BTN1A1: variants seen among roughly 807,000 people sequenced by gnomAD.
BTN1A1 encodes bK14H9.2 (butyrophilin, subfamily 1, member A1).
A neutral mutation model predicts 33.1 loss-of-function variants in BTN1A1; 26 were observed. The observed-to-expected ratio is 0.79, with a 90% CI of 0.58 to 1.09. The LOEUF (loss-of-function observed/expected upper bound fraction) is 1.09, where lower values mean the gene tolerates loss of function less well. Among genes scored for constraint, BTN1A1 ranks in the 50% least tolerant of loss-of-function variants. BTN1A1 has a pLI of 0.00. For missense variants in BTN1A1, 558 were observed against 655.7 expected (o/e 0.85, Z 1.63); for synonymous variants, 235 against 256.2 (o/e 0.92, Z 0.79).
intron 3 of BTN1A1, among the ~76,000 whole-genome samples, chr6:26,504,544 G>A (rs1763845129): frequency 6.6e-6 from 1 of 151,284 alleles, no homozygotes; most frequent in Admixed American, 6.6e-5. Flanking sequence ...CTGGAGTGCA[G>A]TGGTGCCATC....
rs566727763 is a variant in BTN1A1 at position 26,502,080 on chromosome 6, G to A, written c.427+143G>A. On this transcript the variant is annotated intron_variant, in intron 3 of 7. Transcript: ENST00000684113. The stretch of plus-strand genomic sequence containing the variant: ...GCCGGGGAGGGACGACTATCTGGGC[G>A]GGAGGCGAGGGGGGGTAAAAGAATT... The A allele has an allele frequency of 6.5e-5, 82 of 1,253,818 alleles. No individual in the cohort carries two copies. In the African/African-American group the frequency reaches 1.1e-3, roughly 16 times the overall value. 77.7% of individuals were successfully genotyped at this position (1,253,818 alleles called of 1,614,324 possible).
Position 26,501,819 on chromosome 6 carries a change from C to A in BTN1A1, c.309C>A (p.Ala103=). 1 of 1,612,756 alleles carries A rather than the reference C, an allele frequency of 6.2e-7. No homozygotes were observed. Among genetic ancestry groups the A allele is most frequent in the Non-Finnish European group, 8.5e-7 (1 of 1,179,268 alleles). ...GRATLVQDGI[A]KGRVALRIRG... is the part of the protein sequence containing the mutation. Reference sequence around the variant, plus strand: ...CGACGCTGGTCCAGGACGGCATCGCCAAGGGGCGCGTGGCCTTGAGGATCC... The same window carrying A: ...CGACGCTGGTCCAGGACGGCATCGCAAAGGGGCGCGTGGCCTTGAGGATCC... Residue 103 remains alanine, a synonymous_variant, in exon 3 of 8, where the codon GCC becomes GCA. Coordinates refer to ENST00000684113, the MANE Select transcript of BTN1A1 (RefSeq NM_001732.3). The surrounding 1 kb of genome is among the most constrained non-coding windows in gnomAD (Gnocchi z 5.2).
In BTN1A1 at chr6:26,509,426, G is replaced by A; in HGVS notation, c.*252G>A. On this transcript the variant is annotated 3_prime_UTR_variant, in exon 8 of 8. Transcript: ENST00000684113. Reference sequence around the variant, plus strand: ...GTGTTCTCCTAATCCCTTAAGACTAGAACCTATAGGAAACTACTTGGAGCA... The same window carrying A: ...GTGTTCTCCTAATCCCTTAAGACTAAAACCTATAGGAAACTACTTGGAGCA... 2.3e-6 allele frequency: 1 copy of A among 429,644 alleles called. No homozygotes were observed. The highest frequency in any genetic ancestry group is 4.0e-5 in the East Asian group (1 of 25,030). 26.6% of individuals were successfully genotyped at this position (429,644 alleles called of 1,614,324 possible).
Position 26,509,643 on chromosome 6 carries a change from AGGG to A in BTN1A1, c.*470_*472del. On this transcript the variant is annotated 3_prime_UTR_variant, in exon 8 of 8. Coordinates refer to ENST00000684113, the MANE Select transcript of BTN1A1 (RefSeq NM_001732.3). Reference sequence around the variant, plus strand: ...GAACTTGGAGGGAATATTATGATGGAGGGAAGTGAGGTGAATCCAGGCACATGA... The same window carrying A: ...GAACTTGGAGGGAATATTATGATGGAAAGTGAGGTGAATCCAGGCACATGA... 3 of 158,856 alleles carry A rather than the reference AGGG, an allele frequency of 1.9e-5. No homozygotes were observed. The highest frequency in any genetic ancestry group is 4.2e-5 in the Non-Finnish European group (3 of 72,216). 9.8% of individuals were successfully genotyped at this position (158,856 alleles called of 1,614,324 possible). A position where few individuals can be genotyped will look rare whatever the true frequency, so the allele number is the denominator to read the frequency against.
In BTN1A1 at chr6:26,501,320, T is replaced by C; in HGVS notation, c.34T>C (p.Cys12Arg). The change falls in exon 2 of 8, where the codon TGT becomes CGT. Residue 12 changes from cysteine to arginine, a missense_variant. Cys to Arg is a radical substitution (Grantham distance 180, BLOSUM62 -3). Coordinates refer to ENST00000684113, the MANE Select transcript of BTN1A1 (RefSeq NM_001732.3). This position sits in a 1 kb window ranked among gnomAD's most constrained non-coding sequence, Gnocchi z 5.2. ...AVFPSSGLPR[C>R]LLTLILLQLP... is the part of the protein sequence containing the mutation. ...TTTCCCAAGCTCCGGTCTCCCCAGA[T>C]GTCTGCTCACCCTCATTCTCCTCCA... 6.2e-7 allele frequency: 1 copy of C among 1,614,156 alleles called. No homozygotes were observed. Among genetic ancestry groups the C allele is most frequent in the Non-Finnish European group, 8.5e-7 (1 of 1,180,012 alleles).
At chr6:26,506,584 C>A (rs1763872736) in intron 4 of BTN1A1, 99 bp from the exon 5 acceptor site, 7 of 1,314,170 alleles carry the variant, frequency 5.3e-6, no homozygotes, top group Non-Finnish European at 7.5e-6. Context: ...TGAGAGTGGT[C>A]CAGGCCATCA....
chr6:26,501,717 G>T lies in BTN1A1; in HGVS notation c.207G>T (p.Lys69Asn). ...EHLELRWFRK[K>N]VSPAVLVHRD... ...TGGAGCTACGCTGGTTCCGAAAGAA[G>T]GTTTCGCCGGCCGTGCTGGTGCATA... Residue 69 changes from lysine to asparagine, a missense_variant, in exon 3 of 8, where the codon AAG (lysine) becomes AAT (asparagine). Transcript: ENST00000684113. This position sits in a 1 kb window ranked among gnomAD's most constrained non-coding sequence, Gnocchi z 5.2. 1 of 1,613,954 alleles carries T rather than the reference G, an allele frequency of 6.2e-7. No homozygotes were observed. The highest frequency in any genetic ancestry group is 8.5e-7 in the Non-Finnish European group (1 of 1,180,020).
rs542181343 is a variant in BTN1A1, at chr6:26,501,867, C to T, written c.357C>T (p.Asp119=). 1.2e-6 allele frequency: 2 copies of T among 1,609,258 alleles called. No homozygotes were observed. Among genetic ancestry groups the T allele is most frequent in the Middle Eastern group, 1.7e-4 (1 of 6,036 alleles). Residue 119 remains aspartate, a synonymous_variant, in exon 3 of 8, where the codon GAC becomes GAT. Coordinates refer to ENST00000684113, the MANE Select transcript of BTN1A1 (RefSeq NM_001732.3). The surrounding 1 kb of genome is among the most constrained non-coding windows in gnomAD (Gnocchi z 5.2). ...TCCGTGGCGTCAGAGTCTCTGACGA[C>T]GGGGAGTACACGTGCTTTTTCAGGG... ...LRIRGVRVSD[D]GEYTCFFRED...
chr6:26,505,368 A>T (rs986667866), intron 4 of BTN1A1, among the ~76,000 whole-genome samples, 162 bp downstream of exon 4: 1 of 152,202 alleles, frequency 6.6e-6, no homozygotes, highest in Admixed American at 6.5e-5. Context: ...TTATTAGAAG[A>T]GTTAAGATAC....
In BTN1A1 at chr6:26,508,861, G is replaced by C; in HGVS notation, c.1268G>C (p.Gly423Ala). The change falls in exon 8 of 8, where the codon GGG becomes GCG. Residue 423 changes from glycine (G) to alanine (A), a missense_variant. Physicochemically the swap from Gly to Ala is moderately conservative, Grantham distance 60 (BLOSUM62 0). Transcript: ENST00000684113. ...LPLAGPPRRV[G>A]IFLDYESGDI... is the part of the protein sequence containing the mutation. ...TTGGCAGGGCCCCCACGCCGGGTTG[G>C]GATTTTCCTAGACTATGAATCAGGA... is the stretch of plus-strand genomic sequence containing the variant. 1 of 1,614,144 alleles carries C rather than the reference G, an allele frequency of 6.2e-7. No individual in the cohort carries two copies. Among genetic ancestry groups the C allele is most frequent in the Non-Finnish European group, 8.5e-7 (1 of 1,180,014 alleles).
chr6:26,501,530 C>T lies in BTN1A1; in HGVS notation c.80-60C>T. 6.3e-7 allele frequency: 1 copy of T among 1,598,966 alleles called. No homozygotes were observed. Among genetic ancestry groups the T allele is most frequent in the Non-Finnish European group, 8.5e-7 (1 of 1,170,022 alleles). On this transcript the variant is annotated intron_variant, in intron 2 of 7. Transcript: ENST00000684113. This position sits in a 1 kb window ranked among gnomAD's most constrained non-coding sequence, Gnocchi z 5.2. ...CACTGCGCTTTGGCGGGAATCTGGT[C>T]GGTGTCTGTCCGTAGTTCCCATCTC...
chr6:26,501,233 G>C lies in BTN1A1; in HGVS notation c.-54G>C. ...CTCCTGTCCATTCATCTCCTAGGCTGAAGCTCCTGAGGGGACTCACATCAG... is the reference window on the plus strand; with the variant it reads ...CTCCTGTCCATTCATCTCCTAGGCTCAAGCTCCTGAGGGGACTCACATCAG... On this transcript the variant is annotated 5_prime_UTR_variant, in exon 2 of 8. Transcript: ENST00000684113. This position sits in a 1 kb window ranked among gnomAD's most constrained non-coding sequence, Gnocchi z 5.2. The C allele has an allele frequency of 3.5e-6, 5 of 1,439,324 alleles. No homozygotes were observed. Among genetic ancestry groups the C allele is most frequent in the Non-Finnish European group, 1.9e-6 (2 of 1,042,438 alleles). 89.2% of individuals were successfully genotyped at this position (1,439,324 alleles called of 1,614,324 possible). A position where few individuals can be genotyped will look rare whatever the true frequency, so the allele number is the denominator to read the frequency against.
intron 4 of BTN1A1, 152 bp downstream of exon 4, chr6:26,505,358 T>G (rs1250301859): frequency 4.3e-6 from 3 of 696,122 alleles, no homozygotes; most frequent in Middle Eastern, 2.9e-4. Flanking sequence ...CCCACCAACT[T>G]TATTAGAAGA....
At position 26,509,020 on chromosome 6, in the gene BTN1A1, C is replaced by G; in HGVS notation, c.1427C>G (p.Ala476Gly). 6.2e-7 allele frequency: 1 copy of G among 1,614,202 alleles called. No homozygotes were observed. The highest frequency in any genetic ancestry group is 8.5e-7 in the Non-Finnish European group (1 of 1,180,044). The change falls in exon 8 of 8, where the codon GCT becomes GGT. Residue 476 changes from alanine to glycine, a missense_variant. By Grantham distance (60) the Ala-to-Gly change is moderately conservative. Coordinates refer to ENST00000684113, the MANE Select transcript of BTN1A1 (RefSeq NM_001732.3). The part of the protein sequence containing the change: ...GKKPLTICPI[A>G]DGPERVTVIA... ...AAGCCCCTGACCATCTGCCCAATTG[C>G]TGATGGGCCTGAGAGGGTCACAGTC... is the stretch of plus-strand genomic sequence containing the variant.
chr6:26,501,715 A>AAGGT lies in BTN1A1; in HGVS notation c.206_209dup (p.Ser71GlyfsTer9). The AAGGT allele has an allele frequency of 6.2e-7, 1 of 1,613,900 alleles. No homozygotes were observed. The highest frequency in any genetic ancestry group is 1.3e-5 in the African/African-American group (1 of 75,024). On this transcript the variant is annotated frameshift_variant, in exon 3 of 8. Transcript: ENST00000684113. LOFTEE classifies it high-confidence loss of function. The surrounding 1 kb of genome is among the most constrained non-coding windows in gnomAD (Gnocchi z 5.2). ...CTTGGAGCTACGCTGGTTCCGAAAGAAGGTTTCGCCGGCCGTGCTGGTGCA... is the reference window on the plus strand; with the variant it reads ...CTTGGAGCTACGCTGGTTCCGAAAGAAGGTAGGTTTCGCCGGCCGTGCTGGTGCA...
Position 26,501,548 on chromosome 6 carries a change from C to G in BTN1A1, c.80-42C>G. On this transcript the variant is annotated intron_variant, in intron 2 of 7. Transcript: ENST00000684113. This position sits in a 1 kb window ranked among gnomAD's most constrained non-coding sequence, Gnocchi z 5.2. ...ATCTGGTCGGTGTCTGTCCGTAGTT[C>G]CCATCTCCACATCCCGTCTGATCCC... The G allele has an allele frequency of 6.2e-7, 1 of 1,605,508 alleles. No homozygotes were observed. The highest frequency in any genetic ancestry group is 8.5e-7 in the Non-Finnish European group (1 of 1,174,246).
At chr6:26,502,019 C>A (rs1763807819) in intron 3 of BTN1A1, 82 bp downstream of exon 3, 2 of 1,449,940 alleles carry the variant, frequency 1.4e-6, no homozygotes, top group Admixed American at 2.7e-5. Flanking sequence ...TGGAAACCAT[C>A]AGATTCATTC....
chr6:26,507,905 C>T (rs769005827), intron 5 of BTN1A1, 45 bp from the exon 6 acceptor site: 35 of 1,607,888 alleles, frequency 2.2e-5, no homozygotes, highest in African/African-American at 6.7e-5. Flanking sequence ...CCCTCCTTTA[C>T]GTCCACTATA....
chr6:26,505,915 G>A (rs975374016), intron 4 of BTN1A1, among the ~76,000 whole-genome samples: 6 of 151,670 alleles, frequency 4.0e-5, no homozygotes, highest in Non-Finnish European at 2.9e-5. Flanking sequence ...TCAGGAGATC[G>A]AGACCATACT....
Sources: allele counts gnomAD v4.1 joint callset (sites outside exome capture counted in the v4.1 genomes callset), GRCh38; gene constraint gnomAD v4.1.1; non-coding constraint Gnocchi (gnomAD v3.1); transcripts MANE v1.5; gene names NCBI Gene and HGNC (gene_info 2026-07-23, HGNC 2026-07-21).